AKAP10: variants seen among roughly 807,000 people sequenced by gnomAD.
AKAP10 encodes the protein A-kinase anchoring protein 10.
A neutral mutation model predicts 80.8 loss-of-function variants in AKAP10; 24 were observed. That is an observed-to-expected ratio of 0.30 (90% confidence interval 0.22 to 0.42). The LOEUF is 0.42. Among genes scored for constraint, AKAP10 ranks in the 10% least tolerant of loss-of-function variants. The probability of loss-of-function intolerance (pLI) is 1.00; values close to 1 mark genes in which losing one functional copy is unlikely to be tolerated. For synonymous variants in AKAP10, 291 were observed against 277.7 expected (o/e 1.05, Z -0.48); for missense variants, 661 against 794.9 (o/e 0.83, Z 2.03).
At chr17:19,951,307 G>T (rs564591096) in intron 4 of AKAP10, among the ~76,000 whole-genome samples, 1 of 129,390 alleles carries the variant, frequency 7.7e-6, no homozygotes, top group Non-Finnish European at 1.7e-5. Flanking sequence ...CCACTGCCCC[G>T]TCTGGGAGGT....
intron 13 of AKAP10, 150 bp from the exon 14 acceptor site, chr17:19,909,426 A>G (rs2152409165): frequency 1.5e-6 from 1 of 658,794 alleles, no homozygotes; most frequent in East Asian, 2.9e-5. Flanking sequence ...AACCTGGGCC[A>G]CCCTCTGGCT....
At chr17:19,961,711 T>A (rs1434145760) in intron 3 of AKAP10, among the ~76,000 whole-genome samples, 2 of 152,224 alleles carry the variant, frequency 1.3e-5, no homozygotes, top group Non-Finnish European at 2.9e-5. Flanking sequence ...ATGTTTTTGT[T>A]TTGGAAGAAC....
At chr17:19,921,031 T>C (rs1597492954) in intron 11 of AKAP10, among the ~76,000 whole-genome samples, 1 of 148,324 alleles carries the variant, frequency 6.7e-6, no homozygotes, top group Admixed American at 6.7e-5. Flanking sequence ...ACTAATAAAA[T>C]CACCCAACAG....
rs1567769123 is a variant in AKAP10, at chr17:19,951,196, CCCGCCCGG to C, written c.878-3699_878-3692del. On this transcript the variant is annotated intron_variant, in intron 4 of 14. Transcript: ENST00000225737. The stretch of plus-strand genomic sequence containing the variant: ...CTGGGAGGGAGGTGGGGGGTCAGCC[CCCGCCCGG>C]CCAGCCGCCCCGTCCGGGAGGGAGG... 4.0e-4 allele frequency among the ~76,000 whole-genome samples: 47 copies of C among 116,102 alleles called. 1 individual carries two copies. Among genetic ancestry groups the C allele is most frequent in the African/African-American group, 1.1e-3 (40 of 35,260 alleles). 76.2% of individuals were successfully genotyped at this position (116,102 alleles called of 152,430 possible).
chr17:19,925,885 T>G (rs1318183294), intron 10 of AKAP10, among the ~76,000 whole-genome samples: 3 of 152,190 alleles, frequency 2.0e-5, no homozygotes, highest in Admixed American at 6.5e-5. Flanking sequence ...ATTTCAAAAC[T>G]TATTACAAAG....
chr17:19,947,667 A>T (rs1245769136), intron 4 of AKAP10, among the ~76,000 whole-genome samples, 162 bp from the exon 5 acceptor site: 1 of 152,142 alleles, frequency 6.6e-6, no homozygotes, highest in Non-Finnish European at 1.5e-5. Context: ...GGAAGAGGAG[A>T]GTTACATGGG....
intron 10 of AKAP10, among the ~76,000 whole-genome samples, chr17:19,928,894 T>A (rs890800062): frequency 3.5e-5 from 5 of 144,316 alleles, no homozygotes; most frequent in African/African-American, 4.9e-5. Flanking sequence ...AAAGAAAACC[T>A]GTATCCACAC....
At chr17:19,918,224 CAAAAAAAAA>C (rs559332326) in intron 12 of AKAP10, among the ~76,000 whole-genome samples, 9 of 86,052 alleles carry the variant, frequency 1.0e-4, no homozygotes, top group African/African-American at 3.6e-4. Flanking sequence ...CCGTCTCAAA[CAAAAAAAAA>C]AAAAAAAAAG....
chr17:19,937,501 C>CA (rs1455337958), intron 8 of AKAP10, among the ~76,000 whole-genome samples: 2 of 151,562 alleles, frequency 1.3e-5, no homozygotes, highest in Non-Finnish European at 2.9e-5. Flanking sequence ...GACTCCATCT[C>CA]AAAAAATAAA....
chr17:19,944,031 A>G (rs765128334), intron 5 of AKAP10, among the ~76,000 whole-genome samples: 6 of 152,066 alleles, frequency 3.9e-5, no homozygotes, highest in Non-Finnish European at 7.4e-5. Context: ...CAAATATTTA[A>G]CACCTCTTCT....
At chr17:19,924,729 C>T (rs763638097) in intron 10 of AKAP10, among the ~76,000 whole-genome samples, 3 of 152,082 alleles carry the variant, frequency 2.0e-5, no homozygotes, top group African/African-American at 4.8e-5. Flanking sequence ...ATGTACATGC[C>T]GGGCACAGTG....
chr17:19,945,857 A>G (rs1173003088), intron 5 of AKAP10, among the ~76,000 whole-genome samples: 17 of 151,166 alleles, frequency 1.1e-4, no homozygotes, highest in African/African-American at 2.5e-5. Context: ...ATAAAAATAC[A>G]TAATATTAGG....
rs1403639738 is a variant in AKAP10 at position 19,936,139 on chromosome 17, G to A, written c.1467+147C>T. The A allele has an allele frequency of 4.7e-6, 4 of 844,570 alleles. No homozygotes were observed. In the East Asian group the frequency reaches 1.1e-4, roughly 23 times the overall value. 52.3% of individuals were successfully genotyped at this position (844,570 alleles called of 1,614,324 possible). A position where few individuals can be genotyped will look rare whatever the true frequency, so the allele number is the denominator to read the frequency against. ...TGTGGCACGTGACTGTACATACCAG[G>A]CCAGACTCAAGGCCTCTGCTCTTAA... On this transcript the variant is annotated intron_variant, in intron 9 of 14. Transcript: ENST00000225737.
At chr17:19,956,990 G>A (rs1394688917) in intron 4 of AKAP10, among the ~76,000 whole-genome samples, 6 of 152,058 alleles carry the variant, frequency 3.9e-5, no homozygotes, top group African/African-American at 1.5e-4. Flanking sequence ...CCTCATTTTA[G>A]TTCACTGAGA....
At chr17:19,946,944 C>A (rs1421104260) in intron 5 of AKAP10, among the ~76,000 whole-genome samples, 1 of 152,236 alleles carries the variant, frequency 6.6e-6, no homozygotes, top group Non-Finnish European at 1.5e-5. Flanking sequence ...ACCACTGAGA[C>A]ACCTGTCTGG....
At chr17:19,908,963 GCT>G (rs1181668408) in intron 14 of AKAP10, among the ~76,000 whole-genome samples, 2 of 152,158 alleles carry the variant, frequency 1.3e-5, no homozygotes, top group African/African-American at 4.8e-5. Context: ...AGACTACTGG[GCT>G]CTGTTTGGTT....
chr17:19,913,982 T>C (rs560833467), intron 12 of AKAP10, among the ~76,000 whole-genome samples: 49 of 152,294 alleles, frequency 3.2e-4, no homozygotes, highest in African/African-American at 1.1e-3. Context: ...GGTAATATTC[T>C]AGTCATGAAA....
In AKAP10 at chr17:19,911,835, C is replaced by CAAAAAAAAAAAAAAAAAAAA. The variant is rs71157844; in HGVS notation, c.1835-1877_1835-1858dup. Among the ~76,000 whole-genome samples the CAAAAAAAAAAAAAAAAAAAA allele has an allele frequency of 9.1e-5, 5 of 54,984 alleles. 1 individual carries two copies. Among genetic ancestry groups the CAAAAAAAAAAAAAAAAAAAA allele is most frequent in the African/African-American group, 1.0e-4 (2 of 19,078 alleles). 36.1% of individuals were successfully genotyped at this position (54,984 alleles called of 152,430 possible). On this transcript the variant is annotated intron_variant, in intron 12 of 14. Coordinates refer to ENST00000225737, the MANE Select transcript of AKAP10 (RefSeq NM_007202.4). ...CGGCAACAAGAGCAAAACTCTGTCACAAAAAAAAAAAAAAAAAAAAAAAAA... is the reference window on the plus strand; with the variant it reads ...CGGCAACAAGAGCAAAACTCTGTCACAAAAAAAAAAAAAAAAAAAAAAAAAAAAAAAAAAAAAAAAAAAAA...
chr17:19,934,231 T>TAATAA (rs1374505578), intron 9 of AKAP10, among the ~76,000 whole-genome samples: 3 of 152,218 alleles, frequency 2.0e-5, no homozygotes, highest in African/African-American at 7.2e-5. Context: ...AACGCTTTAT[T>TAATAA]ATTAATAAGC....
Sources: allele counts gnomAD v4.1 joint callset (sites outside exome capture counted in the v4.1 genomes callset), GRCh38; gene constraint gnomAD v4.1.1; transcripts MANE v1.5; gene names NCBI Gene and HGNC (gene_info 2026-07-23, HGNC 2026-07-21).